Variants in UBE2V1 observed in about 807,000 individuals in gnomAD.
The protein encoded by UBE2V1 is ubiquitin-conjugating enzyme E2 variant 1.
UBE2V1 carries 15 observed loss-of-function variants against 19.6 expected under a neutral mutation model. The observed-to-expected ratio is 0.77, with a 90% confidence interval of 0.51 to 1.18. UBE2V1 has a LOEUF of 1.18. Ranked by LOEUF, UBE2V1 falls within the 50% of genes most tolerant of loss-of-function variation. UBE2V1 has a pLI of 0.00. For synonymous variants in UBE2V1, 60 were observed against 60.7 expected (o/e 0.99, Z 0.05); for missense variants, 125 against 184.8 (o/e 0.68, Z 1.88).
rs2080581630 is a variant in UBE2V1 at position 50,109,178 on chromosome 20, T to C, written c.22+3929A>G. ...GTCTATGGGACACTCTAAAGCACTA[T>C]CCACAATACAACAGTAATAGTATTC... On this transcript the variant is annotated intron_variant, in intron 1 of 3. Coordinates refer to ENST00000371674, the MANE Select transcript of UBE2V1 (RefSeq NM_001032288.3). 5 of 965,218 alleles carry C rather than the reference T, an allele frequency of 5.2e-6. No individual in the cohort carries two copies. In the South Asian group the frequency reaches 1.9e-4, roughly 37 times the overall value. The allele number at this position is 965,218 out of a possible 1,614,324, so 59.8% of individuals were successfully genotyped here. A position where few individuals can be genotyped will look rare whatever the true frequency, so the allele number is the denominator to read the frequency against.
At chr20:50,110,478 CCTGA>C (rs1482438248) in intron 1 of UBE2V1, among the ~76,000 whole-genome samples, 4 of 152,222 alleles carry the variant, frequency 2.6e-5, no homozygotes, top group African/African-American at 4.8e-5. Flanking sequence ...TCACTCTAAA[CCTGA>C]CTAAGGAAGG....
chr20:50,111,577 G>T, intron 1 of UBE2V1: 12 of 1,000,178 alleles, frequency 1.2e-5, no homozygotes, highest in Non-Finnish European at 1.3e-5. Context: ...AACCAAAATC[G>T]AGTAAAAGGA....
chr20:50,104,022 G>T (rs901621219), intron 1 of UBE2V1, among the ~76,000 whole-genome samples: 2 of 151,784 alleles, frequency 1.3e-5, no homozygotes, highest in Non-Finnish European at 2.9e-5. Flanking sequence ...GGTGGCTCAT[G>T]CCTGTAATCC....
chr20:50,111,741 G>A (rs1250784379), intron 1 of UBE2V1, among the ~76,000 whole-genome samples: 2 of 152,180 alleles, frequency 1.3e-5, no homozygotes, highest in Non-Finnish European at 2.9e-5. Context: ...AGACCGCAGA[G>A]TAGCAACATT....
At chr20:50,111,952 T>G (rs996382389) in intron 1 of UBE2V1, among the ~76,000 whole-genome samples, 2 of 152,170 alleles carry the variant, frequency 1.3e-5, no homozygotes, top group Non-Finnish European at 2.9e-5. Context: ...AGAACCTCCT[T>G]GGCCAACTTC....
At chr20:50,111,003 A>G (rs899175408) in intron 1 of UBE2V1, among the ~76,000 whole-genome samples, 3 of 152,220 alleles carry the variant, frequency 2.0e-5, no homozygotes, top group African/African-American at 7.2e-5. Flanking sequence ...ACTTACTGCT[A>G]TCTGAAATTG....
intron 2 of UBE2V1, among the ~76,000 whole-genome samples, chr20:50,091,275 A>G (rs1188503439): frequency 6.6e-6 from 1 of 151,552 alleles, no homozygotes; most frequent in Non-Finnish European, 1.5e-5. Context: ...TCGACTCCTG[A>G]CCTCAAGTGA....
At chr20:50,111,149 C>A in intron 1 of UBE2V1, 1 of 661,738 alleles carries the variant, frequency 1.5e-6, no homozygotes, top group Non-Finnish European at 1.9e-6. Flanking sequence ...AATAAACAGA[C>A]AAAAGAATTT....
upstream of UBE2V1, chr20:50,115,781 C>T (rs2080989451): frequency 4.0e-6 from 2 of 500,032 alleles, no homozygotes; most frequent in Non-Finnish European, 6.3e-6. Flanking sequence ...GATGAGAAAA[C>T]TGAGACTCAG....
chr20:50,102,861 C>G (rs1435359905), intron 1 of UBE2V1, among the ~76,000 whole-genome samples: 2 of 152,176 alleles, frequency 1.3e-5, no homozygotes, highest in Non-Finnish European at 2.9e-5. Flanking sequence ...CATCCTCCTC[C>G]AGCTACACCA....
At chr20:50,104,336 C>A (rs527456197) in intron 1 of UBE2V1, 1 of 981,942 alleles carries the variant, frequency 1.0e-6, no homozygotes, top group East Asian at 1.2e-4. Context: ...TCTACTGGGT[C>A]CAAAATATTG....
At chr20:50,105,096 T>C (rs1271665815) in intron 1 of UBE2V1, among the ~76,000 whole-genome samples, 1 of 152,126 alleles carries the variant, frequency 6.6e-6, no homozygotes, top group Non-Finnish European at 1.5e-5. Context: ...GGAAAACTGG[T>C]TTCTCACCCA....
In UBE2V1 at chr20:50,093,849, C is replaced by G. The variant is rs534292557; in HGVS notation, c.171+2823G>C. On this transcript the variant is annotated intron_variant, in intron 2 of 3. Transcript: ENST00000371674. ...TACTAAAAATACAAAATTAGCTGGG[C>G]GTGGTGGCGGGTACCTGTAATCCCA... is the stretch of plus-strand genomic sequence containing the variant. Among the ~76,000 whole-genome samples the G allele has an allele frequency of 3.3e-5, 5 of 150,646 alleles. No homozygotes were observed. The East Asian group carries it at 9.7e-4, about 29-fold the overall frequency.
chr20:50,104,156 C>T (rs1286461577), intron 1 of UBE2V1, among the ~76,000 whole-genome samples: 1 of 149,008 alleles, frequency 6.7e-6, no homozygotes, highest in Non-Finnish European at 1.5e-5. Context: ...GTGGTGCGCG[C>T]CTGTAATCCC....
intron 1 of UBE2V1, among the ~76,000 whole-genome samples, chr20:50,112,329 C>G (rs1179589830): frequency 2.6e-5 from 4 of 152,210 alleles, no homozygotes; most frequent in African/African-American, 9.7e-5. Context: ...AACTGCCCCA[C>G]TCGGACCTTG....
chr20:50,098,581 G>C (rs2079783696), intron 1 of UBE2V1, among the ~76,000 whole-genome samples: 1 of 152,172 alleles, frequency 6.6e-6, no homozygotes, highest in Non-Finnish European at 1.5e-5. Flanking sequence ...TGTGAGGTGT[G>C]AGAGACAAGA....
intron 2 of UBE2V1, among the ~76,000 whole-genome samples, chr20:50,093,327 T>C (rs1185673273): frequency 2.0e-5 from 3 of 152,222 alleles, no homozygotes; most frequent in South Asian, 2.1e-4. Flanking sequence ...AAAAACCTAA[T>C]AGGGAGATGA....
chr20:50,091,119 C>A (rs1180027173), intron 2 of UBE2V1, among the ~76,000 whole-genome samples: 1 of 152,016 alleles, frequency 6.6e-6, no homozygotes, highest in African/African-American at 2.4e-5. Context: ...TGATCTTGGC[C>A]CACTGAAACC....
chr20:50,082,944 T>C, intron 3 of UBE2V1, 30 bp from the exon 4 acceptor site: 3 of 1,597,126 alleles, frequency 1.9e-6, no homozygotes, highest in Non-Finnish European at 2.5e-6. Context: ...AGCAAATTAC[T>C]CTCAGACTCT....
Sources: allele counts gnomAD v4.1 joint callset (sites outside exome capture counted in the v4.1 genomes callset), GRCh38; gene constraint gnomAD v4.1.1; transcripts MANE v1.5; gene names NCBI Gene and HGNC (gene_info 2026-07-23, HGNC 2026-07-21).